AOX1: variants seen among roughly 807,000 people sequenced by gnomAD.
AOX1 encodes aldehyde oxidase.
In AOX1, 153 loss-of-function variants were observed where a neutral mutation model predicts 169.5. The observed-to-expected ratio is 0.90, with a 90% CI of 0.79 to 1.03. The LOEUF (loss-of-function observed/expected upper bound fraction) is 1.03. AOX1 is among the 50% of genes least tolerant of loss of function. AOX1 has a pLI of 0.00. For missense variants in AOX1, 1,656 were observed against 1,663.9 expected, an observed-to-expected ratio of 1.00 and a Z score of 0.08; for synonymous variants, 562 against 581.9, an observed-to-expected ratio of 0.97 and a Z score of 0.49.
At chr2:200,631,785 C>T (rs1248596241) in intron 20 of AOX1, among the ~76,000 whole-genome samples, 1 of 152,088 alleles carries the variant, frequency 6.6e-6, no homozygotes, top group Admixed American at 6.6e-5. Context: ...GACTACTTAA[C>T]AAAATAAATT....
intron 33 of AOX1, 50 bp downstream of exon 33, chr2:200,668,853 G>T: frequency 1.3e-6 from 2 of 1,519,366 alleles, no homozygotes; most frequent in Non-Finnish European, 1.8e-6. Context: ...ATACCTGTTG[G>T]GTGACAGGAA....
chr2:200,657,190 A>ATATATATATATATATTTTT, intron 27 of AOX1, among the ~76,000 whole-genome samples: 5 of 62,878 alleles, frequency 8.0e-5, no homozygotes, highest in Admixed American at 2.4e-4. Flanking sequence ...ATATATATAT[A>ATATATATATATATATTTTT]TTTTTTTTTT....
chr2:200,593,001 A>G, intron 1 of AOX1, 145 bp from the exon 2 acceptor site: 2 of 648,932 alleles, frequency 3.1e-6, no homozygotes, highest in Non-Finnish European at 2.7e-6. Flanking sequence ...TTTGCATATC[A>G]CAGCTGTTCC....
At chr2:200,629,706 G>A (rs974086547) in intron 20 of AOX1, among the ~76,000 whole-genome samples, 17 of 152,248 alleles carry the variant, frequency 1.1e-4, no homozygotes, top group Admixed American at 4.6e-4. Flanking sequence ...GAGCGTTCCC[G>A]GCATGAGCAT....
At chr2:200,611,580 G>A (rs535212079) in intron 13 of AOX1, 87 bp downstream of exon 13, 3 of 895,364 alleles carry the variant, frequency 3.4e-6, no homozygotes, top group African/African-American at 1.6e-5. Context: ...AAGAAAAAGG[G>A]TGAAGTGTTT....
intron 26 of AOX1, among the ~76,000 whole-genome samples, chr2:200,654,047 G>A (rs963372990): frequency 3.3e-5 from 5 of 151,856 alleles, no homozygotes; most frequent in Admixed American, 2.0e-4. Context: ...GAGACACAAT[G>A]ATATTGAAAT....
intron 18 of AOX1, among the ~76,000 whole-genome samples, chr2:200,622,018 C>T (rs1420451934): frequency 1.3e-5 from 2 of 152,194 alleles, no homozygotes; most frequent in Non-Finnish European, 2.9e-5. Context: ...TCCCAAAGTG[C>T]TGGGATTGCA....
rs184752773 is a variant in AOX1 at position 200,618,887 on chromosome 2, G to A, written c.1705-1763G>A. On this transcript the variant is annotated intron_variant, in intron 16 of 34. Coordinates refer to ENST00000374700, the MANE Select transcript of AOX1 (RefSeq NM_001159.4). ...TGCATGAAAAGGAAATGTGTTAATC[G>A]GGGGGATCCAGACAGCTTGTCTTCA... 2.9e-3 allele frequency among the ~76,000 whole-genome samples: 435 copies of A among 152,316 alleles called. 2 individuals are homozygous for A. The highest frequency in any genetic ancestry group is 9.9e-3 in the African/African-American group (413 of 41,580).
intron 25 of AOX1, among the ~76,000 whole-genome samples, chr2:200,646,754 T>C (rs535410975): frequency 1.6e-4 from 24 of 152,256 alleles, no homozygotes; most frequent in African/African-American, 5.5e-4. Flanking sequence ...TAGGTGTGTA[T>C]ATGTTTAAGA....
chr2:200,588,018 T>TA, intron 1 of AOX1, among the ~76,000 whole-genome samples: 1 of 152,132 alleles, frequency 6.6e-6, no homozygotes, highest in Non-Finnish European at 1.5e-5. Flanking sequence ...GGAGCTTACA[T>TA]TGTGCTGGGG....
At chr2:200,603,751 G>A (rs185088153) in intron 7 of AOX1, among the ~76,000 whole-genome samples, 3 of 152,344 alleles carry the variant, frequency 2.0e-5, no homozygotes, top group Non-Finnish European at 4.4e-5. Context: ...GTCTGCGGCT[G>A]CTGCCTCCTC....
At chr2:200,587,123 AC>A (rs200292308) in intron 1 of AOX1, among the ~76,000 whole-genome samples, 5 of 151,202 alleles carry the variant, frequency 3.3e-5, no homozygotes, top group East Asian at 2.0e-4. Flanking sequence ...ACCAAACAAA[AC>A]AAAACAACAA....
chr2:200,631,428 T>G (rs1280377304), intron 20 of AOX1, among the ~76,000 whole-genome samples: 1 of 152,234 alleles, frequency 6.6e-6, no homozygotes, highest in South Asian at 2.1e-4. Context: ...GAAACTGAGA[T>G]GATTTTCCCC....
In AOX1 at chr2:200,623,959, G is replaced by T. The variant is rs1332279430; in HGVS notation, c.2100G>T (p.Leu700Phe). The change falls in exon 19 of 35, where the codon TTG becomes TTT. Residue 700 changes from leucine (L) to phenylalanine (F), a missense_variant. Coordinates refer to ENST00000374700, the MANE Select transcript of AOX1 (RefSeq NM_001159.4). ...GAGTGAAGATTGTCTATCAAGACTT[G>T]GAGCCGCTGATACTAACAATTGAGG... The part of the protein sequence containing the change: ...AKRVKIVYQD[L>F]EPLILTIEES... The T allele has an allele frequency of 1.2e-6, 2 of 1,614,140 alleles. No homozygotes were observed. Among genetic ancestry groups the T allele is most frequent in the Non-Finnish European group, 1.7e-6 (2 of 1,179,994 alleles).
At chr2:200,623,202 C>T (rs2034924056) in intron 18 of AOX1, among the ~76,000 whole-genome samples, 1 of 152,228 alleles carries the variant, frequency 6.6e-6, no homozygotes. Flanking sequence ...TTTTACCTTT[C>T]TCAAGTCTTA....
At chr2:200,642,577 G>A in intron 24 of AOX1, 33 bp from the exon 25 acceptor site, 1 of 1,601,542 alleles carries the variant, frequency 6.2e-7, no homozygotes, top group East Asian at 2.2e-5. Flanking sequence ...AGGTTCAGAA[G>A]ATCTTAATCA....
At chr2:200,654,167 C>T (rs2035633672) in intron 26 of AOX1, among the ~76,000 whole-genome samples, 1 of 136,050 alleles carries the variant, frequency 7.4e-6, no homozygotes, top group South Asian at 2.3e-4. Flanking sequence ...GTAAGGAAGG[C>T]ACTGCACTCC....
chr2:200,664,291 T>C (rs1440666088), intron 31 of AOX1, among the ~76,000 whole-genome samples: 2 of 152,164 alleles, frequency 1.3e-5, no homozygotes, highest in Non-Finnish European at 2.9e-5. Context: ...ACCCAGCTAA[T>C]TTTTGTATTT....
intron 16 of AOX1, 128 bp from the exon 17 acceptor site, chr2:200,620,522 T>C (rs2034864277): frequency 2.2e-6 from 2 of 896,704 alleles, no homozygotes. Flanking sequence ...TAGTGCTTTT[T>C]CATATGCAAA....
Sources: allele counts gnomAD v4.1 joint callset (sites outside exome capture counted in the v4.1 genomes callset), GRCh38; gene constraint gnomAD v4.1.1; transcripts MANE v1.5; gene names NCBI Gene and HGNC (gene_info 2026-07-23, HGNC 2026-07-21).